AGPAT3: variants seen among roughly 807,000 people sequenced by gnomAD.
AGPAT3 encodes 1-acylglycerol-3-phosphate O-acyltransferase 3.
In AGPAT3, 5 loss-of-function variants were observed where a neutral mutation model predicts 47.3. The ratio of observed to expected loss-of-function variants is 0.11; its 90% confidence interval spans 0.06 to 0.22. The LOEUF (loss-of-function observed/expected upper bound fraction) is 0.22, where lower values mean the gene tolerates loss of function less well. AGPAT3 is among the 10% of genes least tolerant of loss of function. The pLI is 1.00. For synonymous variants in AGPAT3, 212 were observed against 208.3 expected, an observed-to-expected ratio of 1.02 and a Z score of -0.15; for missense variants, 315 against 493.0, an observed-to-expected ratio of 0.64 and a Z score of 3.42.
chr21:43,975,637 A>C (rs1291781957), intron 7 of AGPAT3, among the ~76,000 whole-genome samples: 1 of 152,330 alleles, frequency 6.6e-6, no homozygotes, highest in East Asian at 1.9e-4. Context: ...TCCTGCTCTG[A>C]GGTGCGTCGT....
At chr21:43,972,847 A>G (rs1043305943) in intron 7 of AGPAT3, among the ~76,000 whole-genome samples, 63 of 152,230 alleles carry the variant, frequency 4.1e-4, no homozygotes, top group African/African-American at 1.5e-3. Flanking sequence ...CTCTGGTTTC[A>G]TTCAAGTGTG....
intron 2 of AGPAT3, among the ~76,000 whole-genome samples, chr21:43,906,819 G>T (rs924761888): frequency 6.6e-6 from 1 of 152,188 alleles, no homozygotes; most frequent in Non-Finnish European, 1.5e-5. Context: ...AATGAGCTGC[G>T]TGGAGACACC....
chr21:43,982,308 C>T lies in AGPAT3; in HGVS notation c.1047C>T (p.Ser349=). 6.2e-7 allele frequency: 1 copy of T among 1,613,030 alleles called. No individual in the cohort carries two copies. The highest frequency in any genetic ancestry group is 8.5e-7 in the Non-Finnish European group (1 of 1,179,456). Residue 349 remains serine (S), a synonymous_variant, in exon 10 of 10, where the codon TCC becomes TCT. Transcript: ENST00000291572. The surrounding 1 kb of genome is among the most constrained non-coding windows in gnomAD (Gnocchi z 6.2). Reference sequence around the variant, plus strand: ...CTCTCTCTCCTGTCTTGAAAGCTTCCTTTGGAGTTCGCAGACTGATAGGAG... The same window carrying T: ...CTCTCTCTCCTGTCTTGAAAGCTTCTTTTGGAGTTCGCAGACTGATAGGAG... ...LTFLGFVGAA[S]FGVRRLIGVT...
At chr21:43,910,450 CAGGTGAATT>C (rs1245764068) in intron 2 of AGPAT3, among the ~76,000 whole-genome samples, 2 of 152,190 alleles carry the variant, frequency 1.3e-5, no homozygotes, top group South Asian at 2.1e-4. Context: ...AGTCCTAATA[CAGGTGAATT>C]AGGTGAATTA....
intron 2 of AGPAT3, among the ~76,000 whole-genome samples, chr21:43,957,604 C>T (rs2088541209): frequency 2.7e-5 from 4 of 148,426 alleles, no homozygotes; most frequent in Admixed American, 1.3e-4. Flanking sequence ...TCCCCCTCCA[C>T]GCGGGGGTCT....
intron 3 of AGPAT3, among the ~76,000 whole-genome samples, chr21:43,962,106 T>A (rs1355583665): frequency 6.6e-6 from 1 of 151,646 alleles, no homozygotes; most frequent in Non-Finnish European, 1.5e-5. Context: ...GTTCACGCCA[T>A]TCTCCTGCCT....
chr21:43,982,213 G>A lies in AGPAT3; in HGVS notation c.1043-91G>A. 1 of 949,972 alleles carries A rather than the reference G, an allele frequency of 1.1e-6. No homozygotes were observed. The highest frequency in any genetic ancestry group is 1.4e-5 in the South Asian group (1 of 71,858). 58.8% of individuals were successfully genotyped at this position (949,972 alleles called of 1,614,324 possible). Reference sequence around the variant, plus strand: ...GTGCGGGGCAGAGGGACAGGGTCTGGGGCAGAGGAAGGAAGCCCCAGTAAC... The same window carrying A: ...GTGCGGGGCAGAGGGACAGGGTCTGAGGCAGAGGAAGGAAGCCCCAGTAAC... On this transcript the variant is annotated intron_variant, in intron 9 of 9. Transcript: ENST00000291572. This position sits in a 1 kb window ranked among gnomAD's most constrained non-coding sequence, Gnocchi z 6.2.
intron 2 of AGPAT3, among the ~76,000 whole-genome samples, chr21:43,956,217 C>T (rs1760275943): frequency 6.6e-6 from 1 of 152,202 alleles, no homozygotes; most frequent in Admixed American, 6.5e-5. Context: ...CGTTCTGAAA[C>T]AGCAAGCCTG....
At chr21:43,960,693 A>G (rs1473239337) in intron 3 of AGPAT3, 1 of 983,804 alleles carries the variant, frequency 1.0e-6, no homozygotes, top group Non-Finnish European at 1.2e-6. Flanking sequence ...CGGCACCCAT[A>G]CAGGGACCCT....
chr21:43,917,166 A>ACCCCCG (rs1555901640), intron 2 of AGPAT3, among the ~76,000 whole-genome samples: 7 of 139,010 alleles, frequency 5.0e-5, no homozygotes, highest in Admixed American at 3.6e-4. Context: ...CACGGTAAGC[A>ACCCCCG]CCCCCGCCCC....
Position 43,880,090 on chromosome 21 carries a change from A to T in AGPAT3, c.-112+14745A>T, listed in dbSNP as rs2085824608. ...CCCTTGCGTCCCCAGGCATCTTAGG[A>T]GCACTGTGGAAACTCAGGGTGTGGA... On this transcript the variant is annotated intron_variant, in intron 1 of 9. Coordinates refer to ENST00000291572, the MANE Select transcript of AGPAT3 (RefSeq NM_020132.5). This position sits in a 1 kb window ranked among gnomAD's most constrained non-coding sequence, Gnocchi z 4.5. Among the ~76,000 whole-genome samples, 1 of 152,228 alleles carries T rather than the reference A, an allele frequency of 6.6e-6. No homozygotes were observed. Among genetic ancestry groups the T allele is most frequent in the South Asian group, 2.1e-4 (1 of 4,836 alleles).
rs964685312 is a variant in AGPAT3, at chr21:43,982,632, G to A, written c.*240G>A. 3.0e-5 allele frequency: 11 copies of A among 362,378 alleles called. No homozygotes were observed. The highest frequency in any genetic ancestry group is 1.2e-4 in the East Asian group (2 of 17,134). 22.4% of individuals were successfully genotyped at this position (362,378 alleles called of 1,614,324 possible). A position where few individuals can be genotyped will look rare whatever the true frequency, so the allele number is the denominator to read the frequency against. On this transcript the variant is annotated 3_prime_UTR_variant, in exon 10 of 10. Transcript: ENST00000291572. The surrounding 1 kb of genome is among the most constrained non-coding windows in gnomAD (Gnocchi z 6.2). ...GCGCCCGTGGGAGGTGGGTCCGGCC[G>A]GAGAGGCCTCCCGCGGACGCCGTCT...
rs1466824372 is a variant in AGPAT3, at chr21:43,939,283, A to T, written c.-48-20351A>T. The stretch of plus-strand genomic sequence containing the variant: ...TCCCCGTGTGCTGTCGAGGGCCTCT[A>T]GCGGGCGCTCCCTTGATAACACCCC... On this transcript the variant is annotated intron_variant, in intron 2 of 9. Transcript: ENST00000291572. The surrounding 1 kb of genome is among the most constrained non-coding windows in gnomAD (Gnocchi z 4.4). Among the ~76,000 whole-genome samples, 2 of 152,104 alleles carry T rather than the reference A, an allele frequency of 1.3e-5. No homozygotes were observed. The highest frequency in any genetic ancestry group is 4.8e-5 in the African/African-American group (2 of 41,508).
intron 2 of AGPAT3, among the ~76,000 whole-genome samples, chr21:43,915,405 CTTTT>C (rs747494231): frequency 5.1e-5 from 2 of 38,856 alleles, no homozygotes; most frequent in Admixed American, 3.2e-4. Flanking sequence ...TCTTGATTAG[CTTTT>C]TTTTTTTTTT....
At chr21:43,918,788 G>A (rs1212486896) in intron 2 of AGPAT3, among the ~76,000 whole-genome samples, 2 of 152,152 alleles carry the variant, frequency 1.3e-5, no homozygotes, top group African/African-American at 2.4e-5. Context: ...TGTTAGCCAG[G>A]CTGGTCTTGA....
At position 43,938,117 on chromosome 21, in the gene AGPAT3, G is replaced by GACAC. The variant is rs60019728; in HGVS notation, c.-48-21496_-48-21493dup. Among the ~76,000 whole-genome samples the GACAC allele has an allele frequency of 3.6e-3, 528 of 147,472 alleles. 3 individuals carry two copies. Among genetic ancestry groups the GACAC allele is most frequent in the African/African-American group, 0.012 (465 of 39,882 alleles). On this transcript the variant is annotated intron_variant, in intron 2 of 9. Transcript: ENST00000291572. The stretch of plus-strand genomic sequence containing the variant: ...TCTCTCTCTCTCTCACACACACACA[G>GACAC]ACACACACACACACACACACACACT...
intron 2 of AGPAT3, among the ~76,000 whole-genome samples, chr21:43,910,133 C>A (rs900037419): frequency 6.6e-6 from 1 of 152,242 alleles, no homozygotes; most frequent in East Asian, 1.9e-4. Context: ...GTGTGACTCA[C>A]ACCTATCTCA....
At position 43,977,842 on chromosome 21, in the gene AGPAT3, G is replaced by A. The variant is rs559902141; in HGVS notation, c.768-204G>A. ...GCAGAGGTTGCAGTGAGCAGAGATC[G>A]CACCAGTGCTCTCCAGCCTGGCAAC... On this transcript the variant is annotated intron_variant, in intron 7 of 9. Transcript: ENST00000291572. 2.8e-4 allele frequency among the ~76,000 whole-genome samples: 43 copies of A among 150,984 alleles called. No individual in the cohort carries two copies. In the South Asian group the frequency reaches 7.9e-3, roughly 28 times the overall value.
chr21:43,904,621 C>T (rs955402635), intron 2 of AGPAT3, among the ~76,000 whole-genome samples: 10 of 152,188 alleles, frequency 6.6e-5, no homozygotes, highest in Non-Finnish European at 1.5e-4. Context: ...ATGGAATTGC[C>T]TGGCCGTTGA....
Sources: gnomAD v4.1 joint callset for allele counts (sites outside exome capture counted in the v4.1 genomes callset) on GRCh38, gnomAD v4.1.1 for gene constraint, Gnocchi (gnomAD v3.1) non-coding constraint, MANE v1.5 for transcripts, NCBI Gene and HGNC (gene_info 2026-07-23, HGNC 2026-07-21) for gene names.